Variants in PDHX observed in about 807,000 individuals in gnomAD.
PDHX encodes pyruvate dehydrogenase complex component X, also known as pyruvate dehydrogenase protein X component, mitochondrial.
Under a neutral mutation model 55.3 loss-of-function variants are expected in PDHX, and 33 were observed. That is an observed-to-expected ratio of 0.60 (90% CI 0.45 to 0.80). The LOEUF is 0.80. Ranked by LOEUF, PDHX falls within the 30% of genes least tolerant of loss-of-function variation. The probability of loss-of-function intolerance (pLI) is 0.00; values close to 1 mark genes in which losing one functional copy is unlikely to be tolerated. For synonymous variants in PDHX, 226 were observed against 219.4 expected, an observed-to-expected ratio of 1.03 and a Z score of -0.27; for missense variants, 622 against 619.9, an observed-to-expected ratio of 1.00 and a Z score of -0.04.
intron 1 of PDHX, among the ~76,000 whole-genome samples, chr11:34,921,033 A>G (rs1323603479): frequency 6.6e-6 from 1 of 152,054 alleles, no homozygotes; most frequent in Non-Finnish European, 1.5e-5. Context: ...AAACACGGAT[A>G]CTCTTTTAGG....
chr11:34,923,557 C>CT (rs887615421), intron 1 of PDHX, among the ~76,000 whole-genome samples: 2 of 151,896 alleles, frequency 1.3e-5, no homozygotes, highest in South Asian at 2.1e-4. Flanking sequence ...CATTTCCTAG[C>CT]TTTTTTTTGG....
In PDHX at chr11:34,978,129, A is replaced by G. The variant is rs768103465; in HGVS notation, c.970A>G (p.Ile324Val). The G allele has an allele frequency of 9.3e-5, 144 of 1,542,128 alleles. No homozygotes were observed. The highest frequency in any genetic ancestry group is 1.3e-4 in the Non-Finnish European group (142 of 1,115,334). The change falls in exon 8 of 11, where the codon ATT (isoleucine) becomes GTT (valine). Residue 324 changes from isoleucine to valine, a missense_variant. Ile to Val is a conservative substitution (Grantham distance 29). Coordinates refer to ENST00000227868, the MANE Select transcript of PDHX (RefSeq NM_003477.3). ...TAACCTTATTTTTCTTTCAGATGAC[A>G]TTAAAGTATCAGTAAATGATTTTAT... The part of the protein sequence containing the change: ...KVRQDLVKDD[I>V]KVSVNDFIIK...
intron 9 of PDHX, among the ~76,000 whole-genome samples, chr11:34,990,902 CT>C (rs1855742714): frequency 6.6e-6 from 1 of 152,074 alleles, no homozygotes; most frequent in African/African-American, 2.4e-5. Context: ...GTAATAGTGC[CT>C]ATGTTGCCTA....
rs3763927 is a variant in PDHX, at chr11:34,917,677, C to A, written c.160+862C>A. ...GACGTTGCCTTCATATTCTGAGCTA[C>A]CTTAGGCTCAGAAAAAAAAAATCAC... On this transcript the variant is annotated intron_variant, in intron 1 of 10. Transcript: ENST00000227868. Among the ~76,000 whole-genome samples the A allele has an allele frequency of 1.9e-3, 296 of 151,964 alleles. 4 individuals carry two copies. The highest frequency in any genetic ancestry group is 0.013 in the East Asian group (67 of 5,166).
intron 1 of PDHX, among the ~76,000 whole-genome samples, chr11:34,930,642 G>A (rs11605972): frequency 0.22 from 33,492 of 152,106 alleles, 4,872 homozygotes; most frequent in Non-Finnish European, 0.34. Context: ...GCTCTTGAAT[G>A]TAACCCTGGA....
intron 1 of PDHX, among the ~76,000 whole-genome samples, chr11:34,923,961 G>C (rs1565147443): frequency 6.6e-6 from 1 of 152,168 alleles, no homozygotes; most frequent in Non-Finnish European, 1.5e-5. Context: ...TGAGAACACT[G>C]CTGAATAAGG....
chr11:34,952,278 C>T (rs1854792871), intron 3 of PDHX, among the ~76,000 whole-genome samples: 2 of 151,902 alleles, frequency 1.3e-5, no homozygotes, highest in African/African-American at 2.4e-5. Context: ...GGAACTGGTA[C>T]CATTCCTTCT....
intron 10 of PDHX, among the ~76,000 whole-genome samples, chr11:34,992,699 CTTAT>C (rs1466049291): frequency 1.3e-5 from 2 of 152,096 alleles, no homozygotes; most frequent in Non-Finnish European, 2.9e-5. Flanking sequence ...GAAACAACCA[CTTAT>C]TTATTATTGC....
chr11:34,994,537 T>C (rs1298673808), intron 10 of PDHX, among the ~76,000 whole-genome samples: 1 of 152,216 alleles, frequency 6.6e-6, no homozygotes, highest in Non-Finnish European at 1.5e-5. Context: ...AATTGCAATA[T>C]GATGTTATGA....
At chr11:34,988,222 T>C (rs1210026556) in intron 9 of PDHX, among the ~76,000 whole-genome samples, 1 of 152,204 alleles carries the variant, frequency 6.6e-6, no homozygotes, top group African/African-American at 2.4e-5. Flanking sequence ...TGCTTAATGT[T>C]TTAACAACTC....
At chr11:34,935,560 G>C (rs992937779) in intron 2 of PDHX, among the ~76,000 whole-genome samples, 7 of 152,098 alleles carry the variant, frequency 4.6e-5, no homozygotes, top group Non-Finnish European at 1.0e-4. Context: ...TTGGCCACTG[G>C]ATAACCTCTT....
intron 2 of PDHX, among the ~76,000 whole-genome samples, chr11:34,937,083 C>T (rs940993215): frequency 6.6e-6 from 1 of 152,034 alleles, no homozygotes; most frequent in African/African-American, 2.4e-5. Context: ...TGTGCCTGGG[C>T]AGGAAGTGGT....
intron 7 of PDHX, among the ~76,000 whole-genome samples, chr11:34,970,567 A>G (rs990218408): frequency 2.0e-5 from 3 of 152,188 alleles, no homozygotes; most frequent in Non-Finnish European, 4.4e-5. Context: ...TCTTTGTCAT[A>G]TTTGAATAAT....
chr11:34,991,675 G>A lies in PDHX; in HGVS notation c.1183-640G>A, dbSNP rs188081232. Among the ~76,000 whole-genome samples, 76 of 152,012 alleles carry A rather than the reference G, an allele frequency of 5.0e-4. 1 individual carries two copies. The East Asian group carries it at 0.014, about 27-fold the overall frequency. Reference sequence around the variant, plus strand: ...TGTAATCCCACCACTTTGGGAGGCCGAGGTGGGTGGATCACTTGAGTTCAG... The same window carrying A: ...TGTAATCCCACCACTTTGGGAGGCCAAGGTGGGTGGATCACTTGAGTTCAG... On this transcript the variant is annotated intron_variant, in intron 9 of 10. Coordinates refer to ENST00000227868, the MANE Select transcript of PDHX (RefSeq NM_003477.3).
intron 1 of PDHX, among the ~76,000 whole-genome samples, chr11:34,926,546 A>G (rs1854026320): frequency 6.6e-6 from 1 of 152,182 alleles, no homozygotes; most frequent in East Asian, 1.9e-4. Flanking sequence ...TTTAAGCTGT[A>G]CCATATGTAA....
intron 2 of PDHX, among the ~76,000 whole-genome samples, chr11:34,934,935 A>ATT (rs1854273480): frequency 6.6e-6 from 1 of 151,060 alleles, no homozygotes; most frequent in African/African-American, 2.4e-5. Context: ...TGATTATTAA[A>ATT]AAAAAAAAAT....
chr11:34,956,935 T>C (rs189737527), intron 3 of PDHX, among the ~76,000 whole-genome samples: 270 of 152,344 alleles, frequency 1.8e-3, no homozygotes, highest in Admixed American at 5.4e-3. Context: ...TTAGGTAAAT[T>C]TTAGTAGATT....
At chr11:34,923,094 G>A (rs1231029748) in intron 1 of PDHX, among the ~76,000 whole-genome samples, 1 of 152,082 alleles carries the variant, frequency 6.6e-6, no homozygotes, top group African/African-American at 2.4e-5. Flanking sequence ...TACACCATAT[G>A]CTATCTAAAA....
intron 3 of PDHX, among the ~76,000 whole-genome samples, chr11:34,950,100 T>C (rs1854720477): frequency 6.6e-6 from 1 of 152,080 alleles, no homozygotes; most frequent in Non-Finnish European, 1.5e-5. Context: ...AATACATTTT[T>C]AAATATTACT....
Sources: allele counts gnomAD v4.1 joint callset (sites outside exome capture counted in the v4.1 genomes callset), GRCh38; gene constraint gnomAD v4.1.1; transcripts MANE v1.5; gene names NCBI Gene and HGNC (gene_info 2026-07-23, HGNC 2026-07-21).